The following COL28A1 variants were observed in gnomAD, a reference collection of about 807,000 sequenced individuals.
COL28A1 encodes the protein collagen alpha-1(XXVIII) chain.
In COL28A1, 161 loss-of-function variants were observed where a neutral mutation model predicts 150.2. The observed-to-expected ratio is 1.07, with a 90% confidence interval of 0.94 to 1.22. The LOEUF is 1.22. Among genes scored for constraint, COL28A1 ranks in the 50% most tolerant of loss-of-function variants. The probability of loss-of-function intolerance (pLI) is 0.00; values close to 1 mark genes in which losing one functional copy is unlikely to be tolerated. For synonymous variants in COL28A1, 552 were observed against 469.7 expected (o/e 1.18, Z -2.26); for missense variants, 1,617 against 1,388.3 (o/e 1.16, Z -2.62).
In COL28A1 at chr7:7,417,874, T is replaced by G; in HGVS notation, c.2121A>C (p.Gly707=). The G allele has an allele frequency of 6.2e-7, 1 of 1,613,388 alleles. No homozygotes were observed. Among genetic ancestry groups the G allele is most frequent in the Non-Finnish European group, 8.5e-7 (1 of 1,179,628 alleles). ...LPGPPGPPGY[G]SQGIKGEQGP... ...ATTCACTTACTTTAATTCCCTGTGA[T>G]CCATAGCCAGGGGGGCCAGGAGGGC... Residue 707 remains glycine, a synonymous_variant, in exon 27 of 35, where the codon GGA becomes GGC. Transcript: ENST00000399429.
intron 11 of COL28A1, among the ~76,000 whole-genome samples, chr7:7,490,926 A>G (rs576719853): frequency 2.0e-5 from 3 of 152,356 alleles, no homozygotes; most frequent in African/African-American, 7.2e-5. Flanking sequence ...AAATAAAAAT[A>G]AACATAATGA....
At chr7:7,461,085 T>C (rs757577708) in intron 15 of COL28A1, among the ~76,000 whole-genome samples, 16 of 152,150 alleles carry the variant, frequency 1.1e-4, no homozygotes, top group Non-Finnish European at 2.1e-4. Context: ...ATATTGTGAG[T>C]GCCCAAACTA....
intron 13 of COL28A1, among the ~76,000 whole-genome samples, chr7:7,479,622 T>A (rs929164482): frequency 3.3e-5 from 5 of 152,256 alleles, no homozygotes; most frequent in African/African-American, 1.2e-4. Flanking sequence ...GGCAGTTTTA[T>A]ATGCAAATTG....
chr7:7,439,880 G>A (rs940171295), intron 21 of COL28A1, among the ~76,000 whole-genome samples: 3 of 152,158 alleles, frequency 2.0e-5, no homozygotes, highest in Non-Finnish European at 4.4e-5. Context: ...GACACTGAAT[G>A]GACACTGAAG....
At chr7:7,455,753 G>T (rs1262426583) in intron 16 of COL28A1, among the ~76,000 whole-genome samples, 6 of 152,028 alleles carry the variant, frequency 3.9e-5, no homozygotes, top group African/African-American at 1.4e-4. Flanking sequence ...TGTTCCCAAG[G>T]GGAACTAAAA....
chr7:7,370,745 G>C lies in COL28A1; in HGVS notation c.3046C>G (p.Gln1016Glu), dbSNP rs767540951. The C allele has an allele frequency of 6.2e-7, 1 of 1,610,092 alleles. No homozygotes were observed. Among genetic ancestry groups the C allele is most frequent in the Non-Finnish European group, 8.5e-7 (1 of 1,178,948 alleles). ...EELSESTPEP[Q>E]KEISESLSVT... is the part of the protein sequence containing the mutation. ...CTTACTGACTCAGAAATTTCTTTTT[G>C]AGGCTCTGGAGTAGATTCACTGAGT... The change falls in exon 33 of 35, where the codon CAA becomes GAA. Residue 1016 changes from glutamine (Q) to glutamate (E), a missense_variant. Coordinates refer to ENST00000399429, the MANE Select transcript of COL28A1 (RefSeq NM_001037763.3).
intron 11 of COL28A1, among the ~76,000 whole-genome samples, chr7:7,502,177 G>A (rs987150270): frequency 6.6e-6 from 1 of 152,210 alleles, no homozygotes; most frequent in Non-Finnish European, 1.5e-5. Flanking sequence ...TGGGATTACA[G>A]GCGTGAGCCA....
At chr7:7,537,626 A>G (rs1025300420), upstream of COL28A1, among the ~76,000 whole-genome samples, 2 of 152,214 alleles carry the variant, frequency 1.3e-5, no homozygotes, top group African/African-American at 4.8e-5. Flanking sequence ...TATAACAACT[A>G]CTGCATCATT....
At chr7:7,456,569 T>C (rs1336072306) in intron 15 of COL28A1, among the ~76,000 whole-genome samples, 3 of 152,226 alleles carry the variant, frequency 2.0e-5, no homozygotes, top group Non-Finnish European at 4.4e-5. Flanking sequence ...GAAGAAATGA[T>C]CTCAAGTGAA....
At chr7:7,464,099 A>T (rs185741359) in intron 15 of COL28A1, among the ~76,000 whole-genome samples, 1 of 152,242 alleles carries the variant, frequency 6.6e-6, no homozygotes, top group Non-Finnish European at 1.5e-5. Context: ...GCCTTGTCCA[A>T]CAGGAAAACA....
intron 27 of COL28A1, among the ~76,000 whole-genome samples, chr7:7,402,585 C>A (rs959998319): frequency 1.4e-4 from 21 of 152,188 alleles, no homozygotes; most frequent in African/African-American, 4.8e-4. Flanking sequence ...AAAACGTTGA[C>A]ACCAGTTCTA....
In COL28A1 at chr7:7,380,817, C is replaced by T; in HGVS notation, c.2251G>A (p.Gly751Arg). 1.9e-6 allele frequency: 3 copies of T among 1,614,036 alleles called. No homozygotes were observed. The highest frequency in any genetic ancestry group is 2.5e-6 in the Non-Finnish European group (3 of 1,179,954). The change falls in exon 29 of 35, where the codon GGA (glycine) becomes AGA (arginine). Residue 751 changes from glycine to arginine, a missense_variant. Physicochemically the swap from Gly to Arg is moderately radical, Grantham distance 125. Transcript: ENST00000399429. ...RGDVGKKGDK[G>R]EIGEPGSPGK... ...GGAGATCCAGGCTCTCCAATTTCTC[C>T]TTTATCACCTTTCTTTCCCACATCG...
chr7:7,515,969 A>G, intron 7 of COL28A1, 129 bp from the exon 8 acceptor site: 1 of 584,530 alleles, frequency 1.7e-6, no homozygotes, highest in Non-Finnish European at 3.0e-6. Flanking sequence ...TAGATCATAG[A>G]AATGTAAACT....
At chr7:7,493,955 A>C (rs2128373242) in intron 11 of COL28A1, among the ~76,000 whole-genome samples, 1 of 152,264 alleles carries the variant, frequency 6.6e-6, no homozygotes, top group African/African-American at 2.4e-5. Context: ...AGAGCCATTT[A>C]CCAACAGGCA....
At chr7:7,521,528 G>C (rs747959050) in intron 5 of COL28A1, among the ~76,000 whole-genome samples, 1 of 152,134 alleles carries the variant, frequency 6.6e-6, no homozygotes, top group Non-Finnish European at 1.5e-5. Flanking sequence ...CTTTCAGAGA[G>C]GCTTGTACTC....
chr7:7,358,172 T>G lies in COL28A1; in HGVS notation c.*461A>C, dbSNP rs999786689. The G allele has an allele frequency of 6.6e-6, 1 of 152,550 alleles. No homozygotes were observed. Among genetic ancestry groups the G allele is most frequent in the Non-Finnish European group, 1.5e-5 (1 of 68,312 alleles). The allele number at this position is 152,550 out of a possible 1,614,324, so 9.4% of individuals were successfully genotyped here. ...TAAACATTTACATCATTTCTAATTCTCACACCGAAGTCCTTCCTATCACCT... is the reference window on the plus strand; with the variant it reads ...TAAACATTTACATCATTTCTAATTCGCACACCGAAGTCCTTCCTATCACCT... On this transcript the variant is annotated 3_prime_UTR_variant, in exon 35 of 35. Transcript: ENST00000399429.
chr7:7,542,210 T>C, the COL28A1 span, among the ~76,000 whole-genome samples: 2,310 of 152,162 alleles, frequency 0.015, 61 homozygotes, highest in African/African-American at 0.052. Flanking sequence ...TAGCTGGGCG[T>C]GGTGGTGCAT....
At chr7:7,511,400 A>T (rs1317955335) in intron 8 of COL28A1, among the ~76,000 whole-genome samples, 2 of 152,248 alleles carry the variant, frequency 1.3e-5, no homozygotes, top group African/African-American at 4.8e-5. Flanking sequence ...GGATGAAACT[A>T]GAAGAAAAGG....
intron 11 of COL28A1, among the ~76,000 whole-genome samples, chr7:7,500,505 T>C (rs908622875): frequency 3.3e-5 from 5 of 152,186 alleles, no homozygotes; most frequent in African/African-American, 1.2e-4. Flanking sequence ...GGTTCCTATC[T>C]GAAAGAAGAC....
Sources: gnomAD v4.1 joint callset for allele counts (sites outside exome capture counted in the v4.1 genomes callset) on GRCh38, gnomAD v4.1.1 for gene constraint, MANE v1.5 for transcripts, NCBI Gene and HGNC (gene_info 2026-07-23, HGNC 2026-07-21) for gene names.